MRPS9: variants seen among roughly 807,000 people sequenced by gnomAD.
The protein encoded by MRPS9 is mitochondrial ribosomal protein S9.
Under a neutral mutation model 59.9 loss-of-function variants are expected in MRPS9, and 45 were observed. The observed-to-expected ratio is 0.75, with a 90% CI of 0.59 to 0.96. The LOEUF (loss-of-function observed/expected upper bound fraction) is 0.96. Ranked by LOEUF, MRPS9 falls within the 40% of genes least tolerant of loss-of-function variation. The pLI is 0.00. For missense variants in MRPS9, 473 were observed against 481.1 expected (o/e 0.98, Z 0.16); for synonymous variants, 171 against 166.8 (o/e 1.03, Z -0.19).
At chr2:105,062,783 C>G (rs1188287041) in intron 2 of MRPS9, among the ~76,000 whole-genome samples, 3 of 152,098 alleles carry the variant, frequency 2.0e-5, no homozygotes, top group African/African-American at 7.2e-5. Context: ...TGTCAGTGAG[C>G]GTAGTAGCCA....
rs568205838 is a variant in MRPS9, at chr2:105,048,512, A to T, written c.136-659A>T. Among the ~76,000 whole-genome samples, 99 of 151,964 alleles carry T rather than the reference A, an allele frequency of 6.5e-4. 3 individuals are homozygous for T. Among genetic ancestry groups the T allele is most frequent in the Non-Finnish European group, 9.4e-4 (64 of 67,908 alleles). On this transcript the variant is annotated intron_variant, in intron 1 of 10. Transcript: ENST00000258455. ...AAACTTAAAGTATAATAATAATTTTAAAAAAAAGAAAAATAAAAGATATGC... is the reference window on the plus strand; with the variant it reads ...AAACTTAAAGTATAATAATAATTTTTAAAAAAAGAAAAATAAAAGATATGC...
At chr2:105,058,832 A>G (rs1679842265) in intron 2 of MRPS9, among the ~76,000 whole-genome samples, 1 of 151,890 alleles carries the variant, frequency 6.6e-6, no homozygotes, top group African/African-American at 2.4e-5. Flanking sequence ...GGTGCCCACC[A>G]CCATGCTCAG....
chr2:105,087,859 G>A (rs1680480433), intron 5 of MRPS9, among the ~76,000 whole-genome samples: 1 of 119,948 alleles, frequency 8.3e-6, no homozygotes, highest in African/African-American at 3.0e-5. Context: ...AGGTTGCAGA[G>A]TGAAGACCAT....
intron 5 of MRPS9, among the ~76,000 whole-genome samples, chr2:105,082,570 C>T (rs1400156600): frequency 6.6e-6 from 1 of 152,164 alleles, no homozygotes; most frequent in East Asian, 1.9e-4. Context: ...TTTAGTGAAT[C>T]CTGTTTCCAG....
At chr2:105,098,405 C>G (rs1045305266) in intron 10 of MRPS9, 14 of 152,138 alleles carry the variant, frequency 9.2e-5, no homozygotes, top group African/African-American at 3.4e-4. Flanking sequence ...GTACAAGCCG[C>G]TGAGGTTCAA....
At chr2:105,072,743 G>A (rs1221644917) in intron 4 of MRPS9, among the ~76,000 whole-genome samples, 1 of 152,128 alleles carries the variant, frequency 6.6e-6, no homozygotes, top group Non-Finnish European at 1.5e-5. Context: ...TTATTTTGCA[G>A]TGGTATTTCT....
chr2:105,078,301 G>T (rs1012071907), intron 4 of MRPS9, among the ~76,000 whole-genome samples: 3 of 135,222 alleles, frequency 2.2e-5, no homozygotes, highest in Non-Finnish European at 4.8e-5. Context: ...GATACCTTAG[G>T]TTCGGTGAAG....
intron 10 of MRPS9, 175 bp downstream of exon 10, chr2:105,097,499 C>A: frequency 1.8e-6 from 1 of 556,684 alleles, no homozygotes; most frequent in Non-Finnish European, 2.7e-6. Flanking sequence ...GATTTGATTT[C>A]TACAAGGTGA....
intron 2 of MRPS9, among the ~76,000 whole-genome samples, chr2:105,052,701 C>G (rs1679734430): frequency 2.0e-5 from 3 of 152,134 alleles, no homozygotes; most frequent in African/African-American, 4.8e-5. Flanking sequence ...ATTAATTCCT[C>G]TTTAAGAATT....
intron 2 of MRPS9, among the ~76,000 whole-genome samples, chr2:105,062,171 C>G (rs1290455238): frequency 5.3e-5 from 8 of 152,134 alleles, no homozygotes; most frequent in Admixed American, 3.9e-4. Flanking sequence ...CTGTCTTTCT[C>G]TCTTACATTT....
At chr2:105,044,759 T>A (rs867929333) in intron 1 of MRPS9, among the ~76,000 whole-genome samples, 25 of 152,182 alleles carry the variant, frequency 1.6e-4, no homozygotes, top group African/African-American at 5.5e-4. Context: ...CTTGAGAAGA[T>A]GCTAAAATGT....
chr2:105,058,722 C>CTGG (rs1181732029), intron 2 of MRPS9, among the ~76,000 whole-genome samples: 32,813 of 149,938 alleles, frequency 0.22, 3,718 homozygotes, highest in Middle Eastern at 0.35. Flanking sequence ...GTTGCCCAGG[C>CTGG]AACAGATCGT....
chr2:105,043,565 G>A (rs1246293507), intron 1 of MRPS9, among the ~76,000 whole-genome samples: 1 of 152,104 alleles, frequency 6.6e-6, no homozygotes, highest in Non-Finnish European at 1.5e-5. Context: ...TTAGCTGATA[G>A]AGATCCCTTG....
At position 105,092,295 on chromosome 2, in the gene MRPS9, T is replaced by C. The variant is rs185352284; in HGVS notation, c.652-106T>C. On this transcript the variant is annotated intron_variant, in intron 7 of 10. Coordinates refer to ENST00000258455, the MANE Select transcript of MRPS9 (RefSeq NM_182640.3). The stretch of plus-strand genomic sequence containing the variant: ...ATGCAGAAGTGTCATCCTGTCAAAA[T>C]TCATCAGGAAAAGCAACATTGGAAA... 3.5e-4 allele frequency: 356 copies of C among 1,003,742 alleles called. 2 individuals are homozygous for C. The African/African-American group carries it at 4.2e-3, about 12-fold the overall frequency. The allele number at this position is 1,003,742 out of a possible 1,614,324, so 62.2% of individuals were successfully genotyped here.
intron 4 of MRPS9, among the ~76,000 whole-genome samples, chr2:105,074,840 G>A (rs558440917): frequency 6.6e-5 from 10 of 152,232 alleles, no homozygotes; most frequent in East Asian, 1.9e-4. Flanking sequence ...CCTTTTTGGC[G>A]CCAGGGACCA....
At chr2:105,090,827 CAT>C (rs1182366944) in intron 7 of MRPS9, among the ~76,000 whole-genome samples, 2 of 152,118 alleles carry the variant, frequency 1.3e-5, no homozygotes, top group Admixed American at 6.5e-5. Flanking sequence ...ACTTTGCCAC[CAT>C]ATATAGATTT....
At chr2:105,075,931 A>G (rs1311318443) in intron 4 of MRPS9, among the ~76,000 whole-genome samples, 2 of 152,200 alleles carry the variant, frequency 1.3e-5, no homozygotes, top group Non-Finnish European at 2.9e-5. Flanking sequence ...AAGTTCAGGA[A>G]TAAGACAGTT....
At chr2:105,063,441 C>T (rs1238520830) in intron 2 of MRPS9, among the ~76,000 whole-genome samples, 1 of 152,178 alleles carries the variant, frequency 6.6e-6, no homozygotes, top group Non-Finnish European at 1.5e-5. Context: ...CTAATAGCAA[C>T]AGCAGTAAAT....
chr2:105,061,603 G>A (rs566547312), intron 2 of MRPS9, among the ~76,000 whole-genome samples: 4 of 152,276 alleles, frequency 2.6e-5, no homozygotes, highest in Non-Finnish European at 5.9e-5. Context: ...ACCCGCAGCA[G>A]GTTTAGAGAG....
Sources: allele counts gnomAD v4.1 joint callset (sites outside exome capture counted in the v4.1 genomes callset), GRCh38; gene constraint gnomAD v4.1.1; transcripts MANE v1.5; gene names NCBI Gene and HGNC (gene_info 2026-07-23, HGNC 2026-07-21).